The following CSMD1 variants were observed in gnomAD, a reference collection of about 807,000 sequenced individuals.
The protein encoded by CSMD1 is CUB and sushi domain-containing protein 1.
A neutral mutation model predicts 417.5 loss-of-function variants in CSMD1; 213 were observed. The observed-to-expected ratio is 0.51, with a 90% CI of 0.46 to 0.57. The LOEUF (loss-of-function observed/expected upper bound fraction) is 0.57. Among genes scored for constraint, CSMD1 ranks in the 20% least tolerant of loss-of-function variants. The pLI, the probability that CSMD1 is intolerant of heterozygous loss-of-function variation, is 0.00. For missense variants in CSMD1, 6,923 were observed against 4,529.7 expected, an observed-to-expected ratio of 1.53 and a Z score of -15.17; for synonymous variants, 2,862 against 1,736.8, an observed-to-expected ratio of 1.65 and a Z score of -16.11.
chr8:4,885,813 C>A (rs1051365390), intron 1 of CSMD1, among the ~76,000 whole-genome samples: 6 of 151,550 alleles, frequency 4.0e-5, no homozygotes, highest in Admixed American at 6.6e-5. Context: ...TGAGGAAATC[C>A]AATTTATATA....
At chr8:3,755,424 T>TGGA (rs1485887591) in intron 5 of CSMD1, among the ~76,000 whole-genome samples, 1 of 152,204 alleles carries the variant, frequency 6.6e-6, no homozygotes, top group Non-Finnish European at 1.5e-5. Context: ...TTTTGCATCT[T>TGGA]GGTAACAAAA....
At chr8:4,440,016 C>T (rs577592428) in intron 2 of CSMD1, among the ~76,000 whole-genome samples, 1 of 152,090 alleles carries the variant, frequency 6.6e-6, no homozygotes, top group Non-Finnish European at 1.5e-5. Context: ...CTTAATTTTC[C>T]TAAGAGTTAA....
intron 6 of CSMD1, among the ~76,000 whole-genome samples, chr8:3,722,961 G>C (rs1264725288): frequency 6.6e-6 from 1 of 152,136 alleles, no homozygotes; most frequent in Non-Finnish European, 1.5e-5. Context: ...ACCAACTTAA[G>C]AGCTTAAAGC....
intron 3 of CSMD1, among the ~76,000 whole-genome samples, chr8:4,216,871 C>G (rs1050741822): frequency 5.3e-5 from 8 of 152,182 alleles, no homozygotes. Flanking sequence ...TTGACAGTCT[C>G]CCTTTTTTCC....
intron 2 of CSMD1, among the ~76,000 whole-genome samples, chr8:4,565,914 T>C (rs1798585632): frequency 6.6e-6 from 1 of 151,642 alleles, no homozygotes; most frequent in Admixed American, 6.6e-5. Flanking sequence ...AATAATGTTT[T>C]TGTTTCAATG....
At chr8:4,431,395 C>T (rs932274627) in intron 2 of CSMD1, among the ~76,000 whole-genome samples, 21 of 152,018 alleles carry the variant, frequency 1.4e-4, no homozygotes, top group Admixed American at 3.9e-4. Context: ...TAGAACCATA[C>T]GCACAAACTT....
chr8:3,843,449 G>C (rs1486617589), intron 5 of CSMD1, among the ~76,000 whole-genome samples: 1 of 151,946 alleles, frequency 6.6e-6, no homozygotes, highest in Non-Finnish European at 1.5e-5. Flanking sequence ...ATAACAGCCA[G>C]CCAAAGATCA....
chr8:3,970,623 G>C (rs553585908), intron 5 of CSMD1, among the ~76,000 whole-genome samples: 52 of 152,212 alleles, frequency 3.4e-4, no homozygotes, highest in Middle Eastern at 3.4e-3. Flanking sequence ...AAACTCAAGA[G>C]GAATCTTCAT....
chr8:3,522,240 A>G (rs1257651800), intron 10 of CSMD1, among the ~76,000 whole-genome samples: 1 of 152,298 alleles, frequency 6.6e-6, no homozygotes, highest in African/African-American at 2.4e-5. Context: ...ATTGCATATG[A>G]TATTACTTTG....
intron 7 of CSMD1, among the ~76,000 whole-genome samples, chr8:3,657,741 T>C (rs962243613): frequency 2.0e-5 from 3 of 152,070 alleles, no homozygotes; most frequent in African/African-American, 4.8e-5. Context: ...AAATACCTAA[T>C]GTAGATGATG....
In CSMD1 at chr8:4,213,274, G is replaced by A. The variant is rs77063566; in HGVS notation, c.416-181175C>T. 9.2e-4 allele frequency among the ~76,000 whole-genome samples: 140 copies of A among 152,256 alleles called. 3 individuals are homozygous for A. In the East Asian group the frequency reaches 0.022, roughly 24 times the overall value. Reference sequence around the variant, plus strand: ...CTGTCAGCAAGTGAGGCGGGGTCCTGTCAGGTCTAATGAGCAGCTCTGCTC... The same window carrying A: ...CTGTCAGCAAGTGAGGCGGGGTCCTATCAGGTCTAATGAGCAGCTCTGCTC... On this transcript the variant is annotated intron_variant, in intron 3 of 69. Transcript: ENST00000635120.
chr8:3,307,217 A>G (rs998814932), intron 25 of CSMD1, among the ~76,000 whole-genome samples: 2 of 152,028 alleles, frequency 1.3e-5, no homozygotes, highest in African/African-American at 4.8e-5. Flanking sequence ...CAAGTTGGAA[A>G]TTTGTTCATC....
At chr8:3,608,541 A>T (rs1310708422) in intron 8 of CSMD1, among the ~76,000 whole-genome samples, 2 of 152,122 alleles carry the variant, frequency 1.3e-5, no homozygotes, top group African/African-American at 4.8e-5. Context: ...AGGTGGGTGG[A>T]TCACGAGGTC....
At chr8:4,355,279 T>C (rs1006126675) in intron 3 of CSMD1, among the ~76,000 whole-genome samples, 6 of 151,174 alleles carry the variant, frequency 4.0e-5, no homozygotes, top group Non-Finnish European at 8.9e-5. Context: ...AATATACCTT[T>C]TGTGGACACA....
At chr8:3,612,865 A>G (rs1801959023) in intron 8 of CSMD1, among the ~76,000 whole-genome samples, 1 of 152,074 alleles carries the variant, frequency 6.6e-6, no homozygotes, top group African/African-American at 2.4e-5. Flanking sequence ...CAACTTTAAG[A>G]GACTAGAAAA....
At chr8:3,925,538 C>G (rs1025208779) in intron 5 of CSMD1, among the ~76,000 whole-genome samples, 1 of 152,108 alleles carries the variant, frequency 6.6e-6, no homozygotes, top group African/African-American at 2.4e-5. Flanking sequence ...TCCAGAATTC[C>G]CAGGTGTTGT....
At chr8:4,644,460 G>T (rs1803390875) in intron 1 of CSMD1, among the ~76,000 whole-genome samples, 1 of 152,102 alleles carries the variant, frequency 6.6e-6, no homozygotes, top group Non-Finnish European at 1.5e-5. Flanking sequence ...AGGCTAGAGT[G>T]CAGCGGCGCT....
Position 3,493,741 on chromosome 8 carries a change from C to T in CSMD1, c.1345-15G>A, listed in dbSNP as rs1334509339. On this transcript the variant is annotated splice_polypyrimidine_tract_variant and intron_variant, in intron 10 of 69. Coordinates refer to ENST00000635120, the MANE Select transcript of CSMD1 (RefSeq NM_033225.6). The stretch of plus-strand genomic sequence containing the variant: ...AGCTTGATGACCTAAATACAAGGTA[C>T]GAAACAGTGACTTAGAACAACAGGT... 6.9e-6 allele frequency: 11 copies of T among 1,596,672 alleles called. No individual in the cohort carries two copies. Among genetic ancestry groups the T allele is most frequent in the Middle Eastern group, 1.6e-4 (1 of 6,064 alleles).
chr8:3,099,399 C>G (rs775208903), intron 46 of CSMD1, among the ~76,000 whole-genome samples: 4 of 152,118 alleles, frequency 2.6e-5, no homozygotes, highest in Non-Finnish European at 4.4e-5. Context: ...CCTCTTCTGT[C>G]TGTGGTGGAG....
Sources: allele counts gnomAD v4.1 joint callset (sites outside exome capture counted in the v4.1 genomes callset), GRCh38; gene constraint gnomAD v4.1.1; transcripts MANE v1.5; gene names NCBI Gene and HGNC (gene_info 2026-07-23, HGNC 2026-07-21).